The following THADA variants were observed in gnomAD, a reference collection of about 807,000 sequenced individuals.
THADA encodes the protein tRNA (32-2'-O)-methyltransferase regulator THADA.
In THADA, 213 loss-of-function variants were observed where a neutral mutation model predicts 219.8. The observed-to-expected ratio is 0.97, with a 90% CI of 0.87 to 1.09. THADA has a LOEUF of 1.09. Ranked by LOEUF, THADA falls within the 50% of genes least tolerant of loss-of-function variation. The pLI is 0.00. For missense variants in THADA, 2,956 were observed against 2,311.3 expected (o/e 1.28, Z -5.72); for synonymous variants, 1,018 against 828.9 (o/e 1.23, Z -3.92).
intron 36 of THADA, among the ~76,000 whole-genome samples, chr2:43,264,605 T>C (rs558832278): frequency 2.0e-5 from 3 of 152,184 alleles, no homozygotes; most frequent in South Asian, 2.1e-4. Flanking sequence ...TTTTCAAAGA[T>C]GAAAAACAAT....
chr2:43,460,795 G>A (rs1002122964), intron 26 of THADA, among the ~76,000 whole-genome samples: 1 of 152,222 alleles, frequency 6.6e-6, no homozygotes, highest in Non-Finnish European at 1.5e-5. Flanking sequence ...AACTGGTGGG[G>A]GAGAGCCCAC....
chr2:43,450,696 A>T (rs577567809), intron 26 of THADA, among the ~76,000 whole-genome samples: 2 of 150,736 alleles, frequency 1.3e-5, no homozygotes, highest in South Asian at 2.1e-4. Flanking sequence ...CAGAATGGAT[A>T]AAAAAAAACA....
chr2:43,329,772 T>C (rs574655914), intron 30 of THADA, among the ~76,000 whole-genome samples: 2 of 152,298 alleles, frequency 1.3e-5, no homozygotes, highest in East Asian at 3.9e-4. Flanking sequence ...AGAAACCACG[T>C]AGACTGGTGT....
chr2:43,368,794 C>G (rs929817749), intron 29 of THADA, among the ~76,000 whole-genome samples: 10 of 152,166 alleles, frequency 6.6e-5, no homozygotes, highest in Non-Finnish European at 1.3e-4. Flanking sequence ...CACCTCAACT[C>G]AAACATAGTT....
intron 23 of THADA, among the ~76,000 whole-genome samples, chr2:43,508,390 C>T (rs1689972305): frequency 6.6e-6 from 1 of 152,062 alleles, no homozygotes; most frequent in African/African-American, 2.4e-5. Flanking sequence ...TGTCTGCCTA[C>T]TTAATACACA....
At chr2:43,253,221 A>T (rs1352539635) in intron 36 of THADA, among the ~76,000 whole-genome samples, 2 of 152,164 alleles carry the variant, frequency 1.3e-5, no homozygotes, top group Non-Finnish European at 2.9e-5. Flanking sequence ...GAACCTGAAG[A>T]CGCCTGGGAG....
intron 36 of THADA, among the ~76,000 whole-genome samples, chr2:43,278,299 T>C (rs1572885157): frequency 6.6e-6 from 1 of 152,164 alleles, no homozygotes; most frequent in Non-Finnish European, 1.5e-5. Flanking sequence ...TAACTTCTGA[T>C]TAAAGAAAAA....
chr2:43,268,779 G>A (rs974992349), intron 36 of THADA, among the ~76,000 whole-genome samples: 2 of 152,210 alleles, frequency 1.3e-5, no homozygotes, highest in African/African-American at 4.8e-5. Context: ...CCTTCATCTG[G>A]CTGTTGGGAT....
chr2:43,254,298 C>A (rs961625652), intron 36 of THADA, among the ~76,000 whole-genome samples: 1 of 152,036 alleles, frequency 6.6e-6, no homozygotes, highest in African/African-American at 2.4e-5. Context: ...GAAAACAGAA[C>A]CAACCTAGGA....
intron 28 of THADA, among the ~76,000 whole-genome samples, chr2:43,402,775 C>T (rs1675020626): frequency 6.6e-6 from 1 of 152,174 alleles, no homozygotes; most frequent in South Asian, 2.1e-4. Flanking sequence ...GAAGTAAACA[C>T]AAGCTGCTGC....
intron 26 of THADA, among the ~76,000 whole-genome samples, chr2:43,435,336 G>A (rs1048191600): frequency 1.3e-5 from 2 of 152,108 alleles, no homozygotes; most frequent in African/African-American, 4.8e-5. Flanking sequence ...GTGCACGCCT[G>A]TAATCCCAGC....
At chr2:43,384,586 T>C (rs1025085076) in intron 29 of THADA, among the ~76,000 whole-genome samples, 1 of 152,224 alleles carries the variant, frequency 6.6e-6, no homozygotes, top group African/African-American at 2.4e-5. Context: ...TGTATCTCTG[T>C]TCTCTATATG....
At chr2:43,462,712 T>C (rs777141860) in intron 26 of THADA, among the ~76,000 whole-genome samples, 1 of 152,188 alleles carries the variant, frequency 6.6e-6, no homozygotes, top group African/African-American at 2.4e-5. Flanking sequence ...ATGGTTGCCA[T>C]TTGCGGGGAT....
intron 22 of THADA, among the ~76,000 whole-genome samples, chr2:43,524,529 T>C (rs890842737): frequency 6.6e-6 from 1 of 152,252 alleles, no homozygotes; most frequent in Non-Finnish European, 1.5e-5. Flanking sequence ...ACTTTTTAAA[T>C]GTTGTATGCC....
At chr2:43,245,930 G>A (rs761061089) in intron 36 of THADA, among the ~76,000 whole-genome samples, 10 of 151,954 alleles carry the variant, frequency 6.6e-5, no homozygotes, top group Non-Finnish European at 1.0e-4. Flanking sequence ...TCCAGAAAGT[G>A]TCTTACTAGA....
At chr2:43,507,873 C>T (rs1045211619) in intron 23 of THADA, among the ~76,000 whole-genome samples, 14 of 152,128 alleles carry the variant, frequency 9.2e-5, no homozygotes, top group African/African-American at 3.4e-4. Flanking sequence ...CATCAATAGC[C>T]ATATCTAAAT....
chr2:43,478,091 T>A (rs1685752325), intron 26 of THADA, among the ~76,000 whole-genome samples: 1 of 152,186 alleles, frequency 6.6e-6, no homozygotes, highest in Non-Finnish European at 1.5e-5. Flanking sequence ...TGGTCTTACC[T>A]CTCAATAAAT....
At chr2:43,231,805 G>A (rs1005633293) in intron 37 of THADA, among the ~76,000 whole-genome samples, 4 of 152,132 alleles carry the variant, frequency 2.6e-5, no homozygotes, top group Non-Finnish European at 4.4e-5. Flanking sequence ...GATTCTCAAG[G>A]TCCTTTTGTC....
Position 43,534,149 on chromosome 2 carries a change from AC to A in THADA, c.3265-6162del, listed in dbSNP as rs541229070. 7.2e-5 allele frequency among the ~76,000 whole-genome samples: 11 copies of A among 152,274 alleles called. 1 individual carries two copies. In the South Asian group the frequency reaches 2.3e-3, roughly 32 times the overall value. On this transcript the variant is annotated intron_variant, in intron 21 of 37. Transcript: ENST00000405975. ...ACCTTGAAATAATAAAGACATGTAA[AC>A]CCTTTTATGAAGACAGATTTTTTAA... is the stretch of plus-strand genomic sequence containing the variant.
Sources: gnomAD v4.1 joint callset for allele counts (sites outside exome capture counted in the v4.1 genomes callset) on GRCh38, gnomAD v4.1.1 for gene constraint, MANE v1.5 for transcripts, NCBI Gene and HGNC (gene_info 2026-07-23, HGNC 2026-07-21) for gene names.